ADAM23: variants seen among roughly 807,000 people sequenced by gnomAD.
ADAM23 encodes the protein disintegrin and metalloproteinase domain-containing protein 23.
Under a neutral mutation model 120.1 loss-of-function variants are expected in ADAM23, and 33 were observed. The observed-to-expected ratio is 0.27, with a 90% CI of 0.21 to 0.37. The LOEUF (loss-of-function observed/expected upper bound fraction) is 0.37. ADAM23 is among the 10% of genes least tolerant of loss of function. The pLI is 1.00. For missense variants in ADAM23, 862 were observed against 1,058.2 expected, an observed-to-expected ratio of 0.81 and a Z score of 2.57; for synonymous variants, 367 against 375.2, an observed-to-expected ratio of 0.98 and a Z score of 0.25.
chr2:206,533,815 A>G (rs1697121386), intron 4 of ADAM23, among the ~76,000 whole-genome samples: 1 of 152,208 alleles, frequency 6.6e-6, no homozygotes, highest in Non-Finnish European at 1.5e-5. Flanking sequence ...TGAAGCAAAT[A>G]TAGGAGCTCG....
intron 3 of ADAM23, among the ~76,000 whole-genome samples, chr2:206,482,615 A>G (rs1471092543): frequency 1.3e-5 from 2 of 152,210 alleles, no homozygotes; most frequent in African/African-American, 4.8e-5. Context: ...GAAATGTGCC[A>G]GAAGTTATCA....
At chr2:206,462,156 C>G (rs956933436) in intron 2 of ADAM23, among the ~76,000 whole-genome samples, 1 of 152,066 alleles carries the variant, frequency 6.6e-6, no homozygotes, top group African/African-American at 2.4e-5. Context: ...AGGAATGTTA[C>G]TGGAGGTGAA....
At chr2:206,596,972 A>G (rs1397138981) in intron 24 of ADAM23, among the ~76,000 whole-genome samples, 2 of 142,770 alleles carry the variant, frequency 1.4e-5, no homozygotes, top group Admixed American at 7.3e-5. Flanking sequence ...TAGTGGCACA[A>G]TCATGGCTCA....
In ADAM23 at chr2:206,542,074, A is replaced by G. The variant is rs1697301578; in HGVS notation, c.596A>G (p.His199Arg). ...YSKGGEHCYY[H>R]GSIRGVKDSK... ...CAGGGTGGAGAGCACTGTTACTACC[A>G]TGGAAGCATCAGAGGCGTCAAAGAC... is the stretch of plus-strand genomic sequence containing the variant. Residue 199 changes from histidine (H) to arginine (R), a missense_variant, in exon 5 of 26, where the codon CAT (histidine) becomes CGT (arginine). Around this residue, in one of 4 missense-constraint regions of ADAM23, gnomAD observed 617 missense variants for 813.5 expected, o/e 0.76. Coordinates refer to ENST00000264377, the MANE Select transcript of ADAM23 (RefSeq NM_003812.4). 2 of 1,614,210 alleles carry G rather than the reference A, an allele frequency of 1.2e-6. No homozygotes were observed. Among genetic ancestry groups the G allele is most frequent in the Non-Finnish European group, 8.5e-7 (1 of 1,180,008 alleles).
At chr2:206,533,671 A>C (rs1369396620) in intron 4 of ADAM23, among the ~76,000 whole-genome samples, 1 of 152,246 alleles carries the variant, frequency 6.6e-6, no homozygotes, top group Non-Finnish European at 1.5e-5. Flanking sequence ...TACTTTGCAA[A>C]GAGGGTTGTC....
chr2:206,548,396 A>G (rs1443399106), intron 8 of ADAM23, 42 bp downstream of exon 8: 3 of 1,567,520 alleles, frequency 1.9e-6, no homozygotes, highest in Admixed American at 1.7e-5. Flanking sequence ...ATTTTACTCA[A>G]TGAAGTCATG....
chr2:206,473,504 T>C (rs1240209604), intron 2 of ADAM23, among the ~76,000 whole-genome samples: 1 of 151,498 alleles, frequency 6.6e-6, no homozygotes. Context: ...GTGGCTAAGA[T>C]GGGAGGATTG....
intron 2 of ADAM23, 54 bp downstream of exon 2, chr2:206,445,578 A>G: frequency 1.4e-6 from 2 of 1,470,816 alleles, no homozygotes; most frequent in Non-Finnish European, 1.9e-6. Context: ...TTTTCCTTTG[A>G]TTTGATTTTC....
rs913569122 is a variant in ADAM23 at position 206,443,556 on chromosome 2, C to G, written c.-311C>G. 6.8e-6 allele frequency: 1 copy of G among 147,922 alleles called. No individual in the cohort carries two copies. 9.2% of individuals were successfully genotyped at this position (147,922 alleles called of 1,614,324 possible). A position where few individuals can be genotyped will look rare whatever the true frequency, so the allele number is the denominator to read the frequency against. On this transcript the variant is annotated 5_prime_UTR_variant, in exon 1 of 26. Coordinates refer to ENST00000264377, the MANE Select transcript of ADAM23 (RefSeq NM_003812.4). ...CATCCTCAGGCCCGGCGGCAGCCCC[C>G]GCAGTCGCTGAAGCGGCCGCGCCCG...
intron 24 of ADAM23, among the ~76,000 whole-genome samples, chr2:206,608,264 A>G (rs971320513): frequency 6.6e-6 from 1 of 152,166 alleles, no homozygotes; most frequent in East Asian, 1.9e-4. Context: ...GTTCCGATAA[A>G]ACTTTTTTGC....
intron 2 of ADAM23, among the ~76,000 whole-genome samples, chr2:206,479,338 A>G (rs1160478467): frequency 6.6e-6 from 1 of 152,134 alleles, no homozygotes; most frequent in African/African-American, 2.4e-5. Context: ...GTCTCTGTCA[A>G]GTTCTTCTTA....
intron 3 of ADAM23, among the ~76,000 whole-genome samples, chr2:206,497,738 G>C (rs929140516): frequency 1.3e-5 from 2 of 152,162 alleles, no homozygotes; most frequent in African/African-American, 2.4e-5. Context: ...TGACATGATT[G>C]TGTATCTAGA....
At chr2:206,605,709 C>A in intron 24 of ADAM23, 1 of 694,246 alleles carries the variant, frequency 1.4e-6, no homozygotes. Context: ...CAAAGCATGT[C>A]CTGAATAGAT....
intron 3 of ADAM23, among the ~76,000 whole-genome samples, chr2:206,504,897 G>T (rs1427472801): frequency 6.6e-6 from 1 of 152,122 alleles, no homozygotes; most frequent in Non-Finnish European, 1.5e-5. Flanking sequence ...ATTATTAAAT[G>T]TACCGTCTGT....
intron 3 of ADAM23, among the ~76,000 whole-genome samples, chr2:206,526,947 C>T (rs1387098403): frequency 1.3e-5 from 2 of 152,136 alleles, no homozygotes; most frequent in African/African-American, 2.4e-5. Flanking sequence ...TGAGTGGGTT[C>T]AAGAGTTTCC....
chr2:206,509,522 C>T (rs561566083), intron 3 of ADAM23, among the ~76,000 whole-genome samples: 1 of 152,198 alleles, frequency 6.6e-6, no homozygotes, highest in East Asian at 1.9e-4. Flanking sequence ...GATCTTGGCT[C>T]ACTGCAACCT....
Position 206,592,661 on chromosome 2 carries a change from C to T in ADAM23, c.2003C>T (p.Ala668Val). Residue 668 changes from alanine (A) to valine (V), a missense_variant, in exon 22 of 26, where the codon GCT becomes GTT. Physicochemically the swap from Ala to Val is moderately conservative, Grantham distance 64 (BLOSUM62 0). This residue lies in a region of ADAM23 where 617 missense variants were observed against 813.5 expected (regional missense o/e 0.76). Transcript: ENST00000264377. ...GFLLCTNLTR[A>V]PRIGQLQGEI... ...TTACTCTGTACCAATCTTACTCGAG[C>T]TCCACGTATTGGTCAACTTCAGGGT... The T allele has an allele frequency of 6.2e-7, 1 of 1,614,036 alleles. No homozygotes were observed. Among genetic ancestry groups the T allele is most frequent in the Non-Finnish European group, 8.5e-7 (1 of 1,179,948 alleles).
intron 18 of ADAM23, among the ~76,000 whole-genome samples, chr2:206,582,537 A>G (rs1005183189): frequency 3.9e-5 from 6 of 152,118 alleles, no homozygotes; most frequent in South Asian, 2.1e-4. Flanking sequence ...ATTACATTCA[A>G]TGTTAGTGTT....
chr2:206,505,201 A>G lies in ADAM23; in HGVS notation c.509+23893A>G, dbSNP rs143561872. ...TTTTCACCTCCAGAATTGTCAGCAA[A>G]AGGATAAAAATTTTAGCTCAAAGTT... On this transcript the variant is annotated intron_variant, in intron 3 of 25. Transcript: ENST00000264377. 3.3e-5 allele frequency among the ~76,000 whole-genome samples: 5 copies of G among 152,332 alleles called. No individual in the cohort carries two copies. In the East Asian group the frequency reaches 7.7e-4, roughly 23 times the overall value.
Sources: allele counts gnomAD v4.1 joint callset (sites outside exome capture counted in the v4.1 genomes callset), GRCh38; gene constraint gnomAD v4.1.1; regional missense constraint gnomAD v4.1.1; transcripts MANE v1.5; gene names NCBI Gene and HGNC (gene_info 2026-07-23, HGNC 2026-07-21).